Variants in MLIP observed in about 807,000 individuals in gnomAD.
MLIP encodes the protein muscular LMNA interacting protein.
MLIP carries 79 observed loss-of-function variants against 84.8 expected under a neutral mutation model. The ratio of observed to expected loss-of-function variants is 0.93; its 90% CI spans 0.78 to 1.12. The LOEUF (loss-of-function observed/expected upper bound fraction) is 1.12, where lower values mean the gene tolerates loss of function less well. Among genes scored for constraint, MLIP ranks in the 50% most tolerant of loss-of-function variants. The pLI, the probability that MLIP is intolerant of heterozygous loss-of-function variation, is 0.00. For synonymous variants in MLIP, 504 were observed against 463.0 expected (o/e 1.09, Z -1.14); for missense variants, 1,257 against 1,160.6 (o/e 1.08, Z -1.21).
chr6:54,053,417 T>C (rs932883395), intron 1 of MLIP, among the ~76,000 whole-genome samples: 4 of 152,212 alleles, frequency 2.6e-5, no homozygotes, highest in African/African-American at 7.2e-5. Context: ...AGAAATTATC[T>C]TTTTTCTCCT....
intron 1 of MLIP, among the ~76,000 whole-genome samples, chr6:54,054,375 G>T (rs2150321306): frequency 6.8e-6 from 1 of 147,432 alleles, no homozygotes; most frequent in South Asian, 2.3e-4. Flanking sequence ...GTGTCAGATT[G>T]AGTTTCGAAG....
chr6:54,200,634 G>T (rs2792641), intron 10 of MLIP, among the ~76,000 whole-genome samples: 548 of 20,800 alleles, frequency 0.026, 37 homozygotes, highest in African/African-American at 0.11. Flanking sequence ...TTTTTTTTTT[G>T]GCAGCACTTA....
At chr6:54,216,607 C>T in intron 11 of MLIP, 1 of 971,694 alleles carries the variant, frequency 1.0e-6, no homozygotes, top group South Asian at 4.8e-5. Flanking sequence ...TATTAAAAAT[C>T]TTTTTTTATA....
intron 10 of MLIP, among the ~76,000 whole-genome samples, chr6:54,193,933 G>A (rs542526889): frequency 2.3e-4 from 35 of 152,140 alleles, no homozygotes; most frequent in African/African-American, 7.7e-4. Context: ...GCTAAACCCT[G>A]GTCTTCTTTG....
In MLIP at chr6:54,254,129, G is replaced by GTTT. The variant is rs68110508; in HGVS notation, c.2923-3165_2923-3163dup. Reference sequence around the variant, plus strand: ...CCTACGTAGAACTTGTTTTTTTGCTGTTTTTTTTTTTTTTTTACGTGGAGT... The same window carrying GTTT: ...CCTACGTAGAACTTGTTTTTTTGCTGTTTTTTTTTTTTTTTTTTTACGTGGAGT... On this transcript the variant is annotated intron_variant, in intron 12 of 13. Transcript: ENST00000502396. Among the ~76,000 whole-genome samples the GTTT allele has an allele frequency of 7.3e-3, 949 of 129,542 alleles. 13 individuals carry two copies. Among genetic ancestry groups the GTTT allele is most frequent in the African/African-American group, 0.025 (855 of 34,856 alleles). The allele number at this position is 129,542 out of a possible 152,430, so 85.0% of individuals were successfully genotyped here.
intron 9 of MLIP, among the ~76,000 whole-genome samples, chr6:54,186,511 T>G (rs1777408987): frequency 6.6e-6 from 1 of 152,172 alleles, no homozygotes; most frequent in South Asian, 2.1e-4. Flanking sequence ...ACTGGGTAAT[T>G]TATAAAGAAA....
chr6:54,217,808 A>C, intron 11 of MLIP: 1 of 984,940 alleles, frequency 1.0e-6, no homozygotes, highest in Non-Finnish European at 1.2e-6. Flanking sequence ...ATCCCTGTAC[A>C]TCCCTCAAAA....
intron 1 of MLIP, among the ~76,000 whole-genome samples, chr6:54,030,246 G>A (rs985759854): frequency 2.6e-5 from 4 of 152,156 alleles, no homozygotes; most frequent in Non-Finnish European, 5.9e-5. Flanking sequence ...TGCCTATTCT[G>A]AAAGATGTTA....
At position 54,065,510 on chromosome 6, in the gene MLIP, C is replaced by T. The variant is rs1766189646; in HGVS notation, c.63+46419C>T. Reference sequence around the variant, plus strand: ...AAGCAATTACAAAAGTCTTAAACAACAGCAGAAGGGCATTCGAGAAAATAC... The same window carrying T: ...AAGCAATTACAAAAGTCTTAAACAATAGCAGAAGGGCATTCGAGAAAATAC... On this transcript the variant is annotated intron_variant, in intron 1 of 12. Coordinates refer to the MLIP transcript ENST00000274897. 2.0e-5 allele frequency among the ~76,000 whole-genome samples: 2 copies of T among 100,628 alleles called. 1 individual carries two copies. 66.0% of individuals were successfully genotyped at this position (100,628 alleles called of 152,430 possible).
At chr6:54,225,541 T>C (rs575812800) in intron 11 of MLIP, among the ~76,000 whole-genome samples, 2 of 152,306 alleles carry the variant, frequency 1.3e-5, no homozygotes, top group East Asian at 3.9e-4. Flanking sequence ...AATAATTTTC[T>C]GTAGCAAGTG....
At chr6:54,223,286 G>T (rs767503423) in intron 11 of MLIP, among the ~76,000 whole-genome samples, 6 of 108,498 alleles carry the variant, frequency 5.5e-5, no homozygotes, top group Admixed American at 3.3e-4. Context: ...CTGTTCTTTT[G>T]CTGTCGTATC....
At chr6:54,259,436 C>CA (rs1706238758) in intron 13 of MLIP, among the ~76,000 whole-genome samples, 1 of 151,592 alleles carries the variant, frequency 6.6e-6, no homozygotes, top group African/African-American at 2.4e-5. Flanking sequence ...TGTTCCTACA[C>CA]AAAAAAGAGA....
At chr6:54,035,674 G>T (rs1764391975) in intron 1 of MLIP, among the ~76,000 whole-genome samples, 2 of 151,936 alleles carry the variant, frequency 1.3e-5, no homozygotes, top group East Asian at 1.9e-4. Context: ...GGTGTGTGGT[G>T]GTATCTTATC....
intron 9 of MLIP, among the ~76,000 whole-genome samples, chr6:54,174,578 C>T (rs533163987): frequency 6.6e-6 from 1 of 151,894 alleles, no homozygotes; most frequent in African/African-American, 2.4e-5. Flanking sequence ...AATCTTTTGC[C>T]GATTTTAAAC....
chr6:54,167,372 T>G (rs1031268945), intron 8 of MLIP, among the ~76,000 whole-genome samples: 19 of 152,052 alleles, frequency 1.2e-4, no homozygotes, highest in African/African-American at 4.6e-4. Context: ...CTTGGATATG[T>G]CAAGCATGCC....
intron 9 of MLIP, among the ~76,000 whole-genome samples, chr6:54,178,201 TA>T (rs2150625484): frequency 6.6e-6 from 1 of 152,224 alleles, no homozygotes; most frequent in South Asian, 2.1e-4. Flanking sequence ...TCTTGAAACT[TA>T]AAATAAAATA....
intron 2 of MLIP, among the ~76,000 whole-genome samples, chr6:54,122,732 C>T (rs1008684455): frequency 6.6e-6 from 1 of 151,992 alleles, no homozygotes; most frequent in Non-Finnish European, 1.5e-5. Context: ...TAATGAGATC[C>T]TTTGTAATTA....
chr6:54,125,123 T>G (rs1466697383), intron 3 of MLIP, among the ~76,000 whole-genome samples: 1 of 152,188 alleles, frequency 6.6e-6, no homozygotes, highest in Non-Finnish European at 1.5e-5. Flanking sequence ...GGAGTAAATT[T>G]GGGAGAATAC....
chr6:54,094,027 G>A (rs1768041896), intron 1 of MLIP, among the ~76,000 whole-genome samples: 2 of 152,082 alleles, frequency 1.3e-5, no homozygotes, highest in Admixed American at 1.3e-4. Flanking sequence ...AAGTGGTAAT[G>A]GTGATTAAGA....
Sources: allele counts gnomAD v4.1 joint callset (sites outside exome capture counted in the v4.1 genomes callset), GRCh38; gene constraint gnomAD v4.1.1; transcripts MANE v1.5; gene names NCBI Gene and HGNC (gene_info 2026-07-23, HGNC 2026-07-21).